The following WDFY3 variants were observed in gnomAD, a reference collection of about 807,000 sequenced individuals.
The protein encoded by WDFY3 is WD repeat and FYVE domain-containing protein 3.
In WDFY3, 66 loss-of-function variants were observed where a neutral mutation model predicts 409.6. That is an observed-to-expected ratio of 0.16 (90% CI 0.13 to 0.20). WDFY3 has a LOEUF of 0.20. Among genes scored for constraint, WDFY3 ranks in the 10% least tolerant of loss-of-function variants. The pLI is 1.00. For missense variants in WDFY3, 3,031 were observed against 4,298.1 expected (o/e 0.71, Z 8.24); for synonymous variants, 1,521 against 1,537.1 (o/e 0.99, Z 0.25).
At chr4:84,898,101 T>A (rs374747140) in intron 2 of WDFY3, among the ~76,000 whole-genome samples, 2 of 152,192 alleles carry the variant, frequency 1.3e-5, no homozygotes, top group South Asian at 4.1e-4. Flanking sequence ...AAATACAAAT[T>A]AATTTAAATA....
intron 3 of WDFY3, among the ~76,000 whole-genome samples, chr4:84,885,652 C>CAGAGGTGTT (rs755142856): frequency 1.3e-5 from 2 of 152,258 alleles, no homozygotes; most frequent in Admixed American, 6.5e-5. Context: ...CCATTAAACA[C>CAGAGGTGTT]AGAGGTGTTA....
chr4:84,844,712 A>C (rs1180207671), intron 5 of WDFY3, among the ~76,000 whole-genome samples: 1 of 152,190 alleles, frequency 6.6e-6, no homozygotes, highest in Admixed American at 6.5e-5. Flanking sequence ...TACTTTATGC[A>C]GGTAGGAATT....
Position 84,821,151 on chromosome 4 carries a change from G to T in WDFY3, c.1524C>A (p.Val508=). 1 of 1,613,672 alleles carries T rather than the reference G, an allele frequency of 6.2e-7. No individual in the cohort carries two copies. Among genetic ancestry groups the T allele is most frequent in the Non-Finnish European group, 8.5e-7 (1 of 1,179,796 alleles). ...CATATTTATGCAAAAGGTTTACCAT[G>T]ACCTCCAAAAGGCCAACCTCCCTGA... The part of the protein sequence containing the change: ...DVFREVGLLE[V]MVNLLHKYAA... Residue 508 remains valine, a synonymous_variant, in exon 11 of 68, where the codon GTC becomes GTA. Transcript: ENST00000295888.
intron 17 of WDFY3, among the ~76,000 whole-genome samples, chr4:84,799,023 G>T (rs1459493688): frequency 1.3e-5 from 2 of 152,138 alleles, no homozygotes; most frequent in Non-Finnish European, 2.9e-5. Flanking sequence ...TAAAACTTCT[G>T]ACTGCCTAAG....
chr4:84,787,155 A>G (rs185328055), intron 23 of WDFY3, among the ~76,000 whole-genome samples: 142 of 152,324 alleles, frequency 9.3e-4, no homozygotes, highest in Non-Finnish European at 1.8e-3. Context: ...GGGTGGCTAT[A>G]CTTTAAACTG....
chr4:84,702,625 C>A, intron 55 of WDFY3, 119 bp from the exon 56 acceptor site: 1 of 876,282 alleles, frequency 1.1e-6, no homozygotes. Flanking sequence ...TCCCATTATC[C>A]TACATTAAAT....
At chr4:84,682,313 C>A (rs1727502444) in intron 64 of WDFY3, 61 bp downstream of exon 64, 1 of 1,502,528 alleles carries the variant, frequency 6.7e-7, no homozygotes, top group African/African-American at 1.4e-5. Flanking sequence ...ATAAGCTTAT[C>A]CACAGTGACT....
intron 38 of WDFY3, 113 bp downstream of exon 38, chr4:84,741,648 T>G: frequency 8.1e-7 from 1 of 1,234,572 alleles, no homozygotes; most frequent in South Asian, 1.8e-5. Flanking sequence ...CTTAGCTTTT[T>G]CTTAAATGTT....
rs557787751 is a variant in WDFY3 at position 84,788,722 on chromosome 4, T to C, written c.3669+1004A>G. 7.9e-5 allele frequency among the ~76,000 whole-genome samples: 12 copies of C among 152,342 alleles called. No homozygotes were observed. In the South Asian group the frequency reaches 2.5e-3, roughly 32 times the overall value. ...CACACAAGGACAAACTTTGTCTTTG[T>C]TACTTCTTTCAAGTGATCGCCCTAA... is the stretch of plus-strand genomic sequence containing the variant. On this transcript the variant is annotated intron_variant, in intron 22 of 67. Coordinates refer to ENST00000295888, the MANE Select transcript of WDFY3 (RefSeq NM_014991.6).
At chr4:84,754,811 T>C in intron 34 of WDFY3, among the ~76,000 whole-genome samples, 1 of 152,180 alleles carries the variant, frequency 6.6e-6, no homozygotes, top group East Asian at 1.9e-4. Context: ...TAACATATAC[T>C]ACAAATATGT....
chr4:84,812,279 T>G (rs1285037972), intron 13 of WDFY3, among the ~76,000 whole-genome samples: 3 of 152,156 alleles, frequency 2.0e-5, no homozygotes, highest in Non-Finnish European at 4.4e-5. Context: ...CTTGTCAAAT[T>G]TAATAAACTA....
intron 36 of WDFY3, 181 bp downstream of exon 36, chr4:84,751,302 G>T (rs1740474737): frequency 1.6e-6 from 1 of 643,742 alleles, no homozygotes; most frequent in Non-Finnish European, 2.7e-6. Flanking sequence ...GGAAGGAAAA[G>T]AACAAACTGA....
chr4:84,703,046 G>C (rs566413586), intron 55 of WDFY3, among the ~76,000 whole-genome samples: 5 of 151,288 alleles, frequency 3.3e-5, no homozygotes, highest in Non-Finnish European at 7.4e-5. Context: ...GCAGTGAGCC[G>C]AGATCGTGCC....
chr4:84,922,108 C>T lies in WDFY3; in HGVS notation c.-132+10162G>A, dbSNP rs867172479. On this transcript the variant is annotated intron_variant, in intron 2 of 67. Transcript: ENST00000295888. ...TCTGTATCCGGATTCTAGTATTCTACTTGAGCACCTACACCTGTAGATTTT... is the reference window on the plus strand; with the variant it reads ...TCTGTATCCGGATTCTAGTATTCTATTTGAGCACCTACACCTGTAGATTTT... Among the ~76,000 whole-genome samples the T allele has an allele frequency of 1.1e-4, 17 of 151,894 alleles. No homozygotes were observed. The South Asian group carries it at 2.3e-3, about 20-fold the overall frequency.
rs887803438 is a variant in WDFY3 at position 84,821,126 on chromosome 4, C to A, written c.1549G>T (p.Ala517Ser). The change falls in exon 11 of 68, where the codon GCT becomes TCT. Residue 517 changes from alanine (A) to serine (S), a missense_variant. Coordinates refer to ENST00000295888, the MANE Select transcript of WDFY3 (RefSeq NM_014991.6). ...TGAGTTGGATCCTTCAACAGGGCAGCATATTTATGCAAAAGGTTTACCATG... is the reference window on the plus strand; with the variant it reads ...TGAGTTGGATCCTTCAACAGGGCAGAATATTTATGCAAAAGGTTTACCATG... ...EVMVNLLHKY[A>S]ALLKDPTQAL... The A allele has an allele frequency of 6.2e-7, 1 of 1,613,256 alleles. No homozygotes were observed. Among genetic ancestry groups the A allele is most frequent in the African/African-American group, 1.3e-5 (1 of 74,866 alleles).
intron 21 of WDFY3, among the ~76,000 whole-genome samples, chr4:84,793,731 A>G (rs1748905569): frequency 6.6e-6 from 1 of 152,230 alleles, no homozygotes; most frequent in African/African-American, 2.4e-5. Flanking sequence ...TTAAAGTACT[A>G]ACTATATTGA....
Position 84,774,822 on chromosome 4 carries a change from G to C in WDFY3, c.4752C>G (p.Leu1584=). 1 of 1,606,696 alleles carries C rather than the reference G, an allele frequency of 6.2e-7. No individual in the cohort carries two copies. Among genetic ancestry groups the C allele is most frequent in the East Asian group, 2.2e-5 (1 of 44,820 alleles). ...LQGFPSSNDL[L]RFGQFISSTL... The stretch of plus-strand genomic sequence containing the variant: ...AAAGACAAAGAAGTTTTTCCTACCT[G>C]AGCAGATCATTGCTGCTAGGAAAAC... Residue 1584 remains leucine (L), a splice_region_variant and synonymous_variant, in exon 29 of 68, where the codon CTC becomes CTG. Transcript: ENST00000295888.
intron 5 of WDFY3, among the ~76,000 whole-genome samples, chr4:84,847,769 G>GT (rs1758301975): frequency 9.7e-6 from 1 of 102,644 alleles, no homozygotes; most frequent in African/African-American, 3.9e-5. Context: ...GTAAGACTCC[G>GT]TCCCAAAAAA....
chr4:84,870,508 G>A (rs1479441015), intron 3 of WDFY3, among the ~76,000 whole-genome samples: 2 of 152,150 alleles, frequency 1.3e-5, no homozygotes, highest in African/African-American at 2.4e-5. Flanking sequence ...CAACTTTCCA[G>A]GGTTGCAATC....
Sources: gnomAD v4.1 joint callset for allele counts (sites outside exome capture counted in the v4.1 genomes callset) on GRCh38, gnomAD v4.1.1 for gene constraint, MANE v1.5 for transcripts, NCBI Gene and HGNC (gene_info 2026-07-23, HGNC 2026-07-21) for gene names.